Variants in ZMYM2 observed in about 807,000 individuals in gnomAD.
The protein encoded by ZMYM2 is zinc finger MYM-type protein 2.
A neutral mutation model predicts 162.8 loss-of-function variants in ZMYM2; 56 were observed. The observed-to-expected ratio is 0.34, with a 90% CI of 0.28 to 0.43. The LOEUF (loss-of-function observed/expected upper bound fraction) is 0.43. ZMYM2 is among the 20% of genes least tolerant of loss of function. ZMYM2 has a pLI of 1.00. For synonymous variants in ZMYM2, 510 were observed against 541.6 expected (o/e 0.94, Z 0.81); for missense variants, 1,275 against 1,621.8 (o/e 0.79, Z 3.67).
intron 12 of ZMYM2, among the ~76,000 whole-genome samples, chr13:20,046,094 A>G (rs941759057): frequency 9.3e-5 from 14 of 151,162 alleles, no homozygotes; most frequent in Non-Finnish European, 1.6e-4. Flanking sequence ...AAAAAAAAAA[A>G]GTTAAAAATT....
chr13:19,983,248 A>G (rs1957509839), intron 2 of ZMYM2, among the ~76,000 whole-genome samples: 1 of 151,336 alleles, frequency 6.6e-6, no homozygotes, highest in Non-Finnish European at 1.5e-5. Context: ...ACATTCAAGC[A>G]GTTCTCCTGC....
intron 9 of ZMYM2, among the ~76,000 whole-genome samples, chr13:20,030,801 T>C (rs950827945): frequency 6.6e-6 from 1 of 152,176 alleles, no homozygotes; most frequent in Non-Finnish European, 1.5e-5. Context: ...CCCAAAGTGC[T>C]AGAATTACAG....
chr13:20,046,607 GTATATATA>G (rs67024518), intron 12 of ZMYM2, among the ~76,000 whole-genome samples: 49,318 of 102,910 alleles, frequency 0.48, 10,819 homozygotes, highest in East Asian at 0.58. Flanking sequence ...GTGTGTGTGT[GTATATATA>G]TGTGTATATA....
At chr13:20,062,336 C>G (rs1956294479) in intron 17 of ZMYM2, among the ~76,000 whole-genome samples, 1 of 152,092 alleles carries the variant, frequency 6.6e-6, no homozygotes, top group Non-Finnish European at 1.5e-5. Context: ...TGTTCCCCAC[C>G]ATCACCTTGC....
intron 8 of ZMYM2, among the ~76,000 whole-genome samples, 178 bp from the exon 9 acceptor site, chr13:20,027,025 G>A (rs1216229231): frequency 1.3e-5 from 2 of 151,836 alleles, no homozygotes; most frequent in East Asian, 3.9e-4. Flanking sequence ...TGTTTTAGTG[G>A]CATAATATCA....
upstream of ZMYM2, among the ~76,000 whole-genome samples, chr13:19,955,832 C>T (rs1954499705): frequency 6.6e-6 from 1 of 152,136 alleles, no homozygotes; most frequent in Non-Finnish European, 1.5e-5. Context: ...GAAATGGACT[C>T]AGAGAGAAGG....
intron 6 of ZMYM2, among the ~76,000 whole-genome samples, chr13:20,010,410 C>T (rs752250312): frequency 2.0e-5 from 3 of 151,942 alleles, no homozygotes; most frequent in Non-Finnish European, 4.4e-5. Flanking sequence ...CCATGTTGTT[C>T]AGGCCTGGTC....
the ZMYM2 span, among the ~76,000 whole-genome samples, chr13:19,866,046 A>ATTTT: frequency 0.037 from 5,477 of 148,734 alleles, 113 homozygotes; most frequent in Middle Eastern, 0.072. Flanking sequence ...AATACTTAAG[A>ATTTT]TTTTTTTTTT....
rs925382509 is a variant in ZMYM2, at chr13:20,038,316, T to G, written c.2292+1407T>G. On this transcript the variant is annotated intron_variant, in intron 12 of 24. Coordinates refer to ENST00000610343, the MANE Select transcript of ZMYM2 (RefSeq NM_197968.4). ...AACCCCATTTGTCAGTTTTTGCTTT[T>G]GTTGCAGTTGCTTTTGGCATCTTAA... 2.0e-5 allele frequency among the ~76,000 whole-genome samples: 3 copies of G among 152,226 alleles called. 1 individual carries two copies. Among genetic ancestry groups the G allele is most frequent in the Admixed American group, 2.0e-4 (3 of 15,278 alleles).
chr13:20,042,687 C>G (rs1486395827), intron 12 of ZMYM2, among the ~76,000 whole-genome samples: 1 of 151,936 alleles, frequency 6.6e-6, no homozygotes, highest in Non-Finnish European at 1.5e-5. Flanking sequence ...ATTCCTTCAA[C>G]CTTTGAAGTT....
chr13:19,960,912 T>C (rs1351547361), intron 2 of ZMYM2, among the ~76,000 whole-genome samples: 2 of 152,210 alleles, frequency 1.3e-5, no homozygotes, highest in Non-Finnish European at 1.5e-5. Flanking sequence ...AAGTATTCAG[T>C]CCACATGGTT....
the ZMYM2 span, among the ~76,000 whole-genome samples, chr13:19,931,126 G>C: frequency 1.6e-4 from 23 of 140,376 alleles, 1 homozygote; most frequent in Admixed American, 1.3e-3. Flanking sequence ...GTGAAAGAGC[G>C]AGACTCTCTC....
At chr13:19,985,850 T>C (rs534885808) in intron 2 of ZMYM2, among the ~76,000 whole-genome samples, 4 of 151,880 alleles carry the variant, frequency 2.6e-5, no homozygotes, top group East Asian at 3.9e-4. Context: ...TACTACAGCC[T>C]GGGCAACAGA....
chr13:20,061,156 C>T lies in ZMYM2; in HGVS notation c.2843C>T (p.Thr948Ile). The T allele has an allele frequency of 2.5e-6, 4 of 1,613,682 alleles. No homozygotes were observed. Among genetic ancestry groups the T allele is most frequent in the African/African-American group, 1.3e-5 (1 of 75,018 alleles). The change falls in exon 17 of 25, where the codon ACA (threonine) becomes ATA (isoleucine). Residue 948 changes from threonine (T) to isoleucine (I), a missense_variant. Transcript: ENST00000610343. ...AAGGTTTCTTCAGATGCTCTTGATACAGAGTTGCTTACAATGACGGATATG... is the reference window on the plus strand; with the variant it reads ...AAGGTTTCTTCAGATGCTCTTGATATAGAGTTGCTTACAATGACGGATATG... The part of the protein sequence containing the change: ...KSKVSSDALD[T>I]ELLTMTDMMS...
intron 1 of ZMYM2, among the ~76,000 whole-genome samples, chr13:19,959,221 G>C (rs1317849211): frequency 6.7e-6 from 1 of 149,588 alleles, no homozygotes; most frequent in Non-Finnish European, 1.5e-5. Flanking sequence ...CGGCCGCCCG[G>C]GGAGGTCGCG....
the ZMYM2 span, among the ~76,000 whole-genome samples, chr13:19,871,210 A>G: frequency 9.8e-5 from 15 of 152,314 alleles, no homozygotes; most frequent in African/African-American, 3.6e-4. Flanking sequence ...TGTATGGTTT[A>G]TGATATGCTG....
At chr13:20,063,882 A>ATAATATATAAATATATATT (rs1956454751) in intron 18 of ZMYM2, among the ~76,000 whole-genome samples, 1 of 8,322 alleles carries the variant, frequency 1.2e-4, no homozygotes, top group African/African-American at 1.5e-4. Context: ...TATATACAAT[A>ATAATATATAAATATATATT]TATAATATAA....
chr13:20,084,498 A>G (rs576252686), intron 24 of ZMYM2, among the ~76,000 whole-genome samples: 42 of 152,348 alleles, frequency 2.8e-4, no homozygotes, highest in African/African-American at 8.2e-4. Context: ...TGGCTGTGTT[A>G]TAATAAAACT....
At chr13:19,902,943 G>C in the ZMYM2 span, among the ~76,000 whole-genome samples, 1 of 151,508 alleles carries the variant, frequency 6.6e-6, no homozygotes, top group Non-Finnish European at 1.5e-5. Context: ...GATCACTTGA[G>C]GTCAGGAGTT....
Sources: gnomAD v4.1 joint callset for allele counts (sites outside exome capture counted in the v4.1 genomes callset) on GRCh38, gnomAD v4.1.1 for gene constraint, MANE v1.5 for transcripts, NCBI Gene and HGNC (gene_info 2026-07-23, HGNC 2026-07-21) for gene names.